The following PHF2 variants were observed in gnomAD, a reference collection of about 807,000 sequenced individuals.
PHF2 encodes PHD finger protein 2, also known as lysine-specific demethylase PHF2.
Under a neutral mutation model 120.5 loss-of-function variants are expected in PHF2, and 27 were observed. That is an observed-to-expected ratio of 0.22 (90% CI 0.17 to 0.31). The LOEUF (loss-of-function observed/expected upper bound fraction) is 0.31. Ranked by LOEUF, PHF2 falls within the 10% of genes least tolerant of loss-of-function variation. The pLI is 1.00. For missense variants in PHF2, 1,024 were observed against 1,434.8 expected (o/e 0.71, Z 4.63); for synonymous variants, 568 against 592.5 (o/e 0.96, Z 0.60).
At chr9:93,626,958 GC>G (rs372614600) in intron 1 of PHF2, among the ~76,000 whole-genome samples, 29 of 152,326 alleles carry the variant, frequency 1.9e-4, no homozygotes, top group African/African-American at 6.5e-4. Context: ...TTATGCCAGT[GC>G]CACACTGTTT....
intron 1 of PHF2, among the ~76,000 whole-genome samples, chr9:93,578,041 C>T (rs1463292461): frequency 6.6e-6 from 1 of 152,200 alleles, no homozygotes; most frequent in Non-Finnish European, 1.5e-5. Context: ...AGAGGAGATC[C>T]TCCTGCAGGT....
At chr9:93,666,205 T>G (rs1826678141) in intron 16 of PHF2, 145 bp downstream of exon 16, 1 of 683,646 alleles carries the variant, frequency 1.5e-6, no homozygotes. Context: ...CCCCACCCTT[T>G]CATGAGTGTT....
intron 1 of PHF2, among the ~76,000 whole-genome samples, chr9:93,609,019 T>C (rs1825590442): frequency 6.7e-6 from 1 of 150,050 alleles, no homozygotes. Context: ...CTGGCTTTAA[T>C]TGAGCATTCG....
At chr9:93,618,086 A>G (rs1302380459) in intron 1 of PHF2, among the ~76,000 whole-genome samples, 1 of 152,228 alleles carries the variant, frequency 6.6e-6, no homozygotes, top group East Asian at 1.9e-4. Flanking sequence ...AATTTCTATT[A>G]TCTTTCTAGT....
chr9:93,645,897 G>T, intron 4 of PHF2, 108 bp downstream of exon 4: 1 of 1,255,134 alleles, frequency 8.0e-7, no homozygotes, highest in Non-Finnish European at 1.1e-6. Context: ...CATGTGTGCC[G>T]TGAGCAGTGG....
chr9:93,610,500 G>A (rs1825616380), intron 1 of PHF2, among the ~76,000 whole-genome samples: 1 of 152,070 alleles, frequency 6.6e-6, no homozygotes, highest in Admixed American at 6.6e-5. Flanking sequence ...TATCCTTGCA[G>A]GCTTTATTAC....
At chr9:93,668,827 G>T (rs564049422) in intron 17 of PHF2, among the ~76,000 whole-genome samples, 1 of 152,238 alleles carries the variant, frequency 6.6e-6, no homozygotes, top group African/African-American at 2.4e-5. Context: ...CACTGAGGCC[G>T]CCGGCCCCCC....
chr9:93,607,609 A>C (rs886103344), intron 1 of PHF2, among the ~76,000 whole-genome samples: 2 of 151,932 alleles, frequency 1.3e-5, no homozygotes, highest in Admixed American at 1.3e-4. Flanking sequence ...ATTGTGCTAA[A>C]TGTGTAGATC....
rs1564405832 is a variant in PHF2, at chr9:93,676,711, GCCT to G, written c.2952_2954del (p.Ser985del). On this transcript the variant is annotated inframe_deletion, in exon 21 of 22. Coordinates refer to ENST00000359246, the MANE Select transcript of PHF2 (RefSeq NM_005392.4). ...CACCACCTCCACCTCCACCACGCCA[GCCT>G]CTACCACCCCGGCCTCCACCACCCC... is the stretch of plus-strand genomic sequence containing the variant. 6.4e-7 allele frequency: 1 copy of G among 1,563,616 alleles called. No homozygotes were observed. Among genetic ancestry groups the G allele is most frequent in the South Asian group, 1.2e-5 (1 of 85,328 alleles).
At chr9:93,601,876 G>A (rs1399197840) in intron 1 of PHF2, among the ~76,000 whole-genome samples, 4 of 151,404 alleles carry the variant, frequency 2.6e-5, no homozygotes, top group African/African-American at 9.7e-5. Flanking sequence ...ATGGAAGGGA[G>A]CCCTGTGAGT....
intron 1 of PHF2, among the ~76,000 whole-genome samples, chr9:93,617,058 G>C (rs571935058): frequency 3.3e-5 from 5 of 152,222 alleles, no homozygotes; most frequent in Admixed American, 1.3e-4. Flanking sequence ...ATCCGGTTGT[G>C]CTGTTCGGGA....
intron 1 of PHF2, among the ~76,000 whole-genome samples, chr9:93,587,174 G>A (rs1458565724): frequency 6.6e-6 from 1 of 152,202 alleles, no homozygotes; most frequent in African/African-American, 2.4e-5. Context: ...AGCCTTGGGT[G>A]AGGGATGGAG....
In PHF2 at chr9:93,677,799, A is replaced by G. The variant is rs997278684; in HGVS notation, c.*123A>G. ...AGGGCCTTGCCTCTTCCCGGCTGCCATCTCCCCAACAAGCGTCTGTCCCTT... is the reference window on the plus strand; with the variant it reads ...AGGGCCTTGCCTCTTCCCGGCTGCCGTCTCCCCAACAAGCGTCTGTCCCTT... On this transcript the variant is annotated 3_prime_UTR_variant, in exon 22 of 22. Coordinates refer to ENST00000359246, the MANE Select transcript of PHF2 (RefSeq NM_005392.4). The surrounding 1 kb of genome is among the most constrained non-coding windows in gnomAD (Gnocchi z 4.4). 7.3e-6 allele frequency: 5 copies of G among 689,280 alleles called. No homozygotes were observed. The highest frequency in any genetic ancestry group is 5.7e-4 in the Middle Eastern group (2 of 3,538). 42.7% of individuals were successfully genotyped at this position (689,280 alleles called of 1,614,324 possible).
intron 1 of PHF2, among the ~76,000 whole-genome samples, chr9:93,602,176 A>C (rs966069202): frequency 6.6e-6 from 1 of 151,112 alleles, no homozygotes; most frequent in African/African-American, 2.4e-5. Context: ...AAAGTATGTA[A>C]ATTCTTCGTT....
At chr9:93,663,906 TC>T (rs1208425783) in intron 14 of PHF2, among the ~76,000 whole-genome samples, 4 of 152,190 alleles carry the variant, frequency 2.6e-5, no homozygotes, top group Non-Finnish European at 5.9e-5. Flanking sequence ...GCAGCCCTGT[TC>T]CTGGCACGTC....
Position 93,677,696 on chromosome 9 carries a change from C to T in PHF2, c.*20C>T. ...CTTTAAGATTTGGAAAGCCAGGATC[C>T]TTCTGCTCCGCTCAGGACCCCCGGA... On this transcript the variant is annotated 3_prime_UTR_variant, in exon 22 of 22. Coordinates refer to ENST00000359246, the MANE Select transcript of PHF2 (RefSeq NM_005392.4). This position sits in a 1 kb window ranked among gnomAD's most constrained non-coding sequence, Gnocchi z 4.4. 1.3e-6 allele frequency: 2 copies of T among 1,595,642 alleles called. No individual in the cohort carries two copies. The highest frequency in any genetic ancestry group is 2.2e-5 in the East Asian group (1 of 44,768).
chr9:93,649,675 G>A (rs554935191), intron 5 of PHF2, among the ~76,000 whole-genome samples: 11 of 123,976 alleles, frequency 8.9e-5, no homozygotes, highest in East Asian at 2.5e-4. Context: ...ACACCCACTC[G>A]TGGACACACT....
chr9:93,654,670 G>A, intron 7 of PHF2, 95 bp downstream of exon 7: 2 of 1,220,182 alleles, frequency 1.6e-6, no homozygotes, highest in Non-Finnish European at 2.4e-6. Flanking sequence ...CCACCATGGG[G>A]TCTCTTCGGC....
chr9:93,663,640 G>C lies in PHF2; in HGVS notation c.1937+5G>C, dbSNP rs574309476. On this transcript the variant is annotated splice_donor_5th_base_variant and intron_variant, in intron 14 of 21. Transcript: ENST00000359246. ...CTCCAACAAGAAACTCCTCGGGTAT[G>C]TGAGTGCCTGGATGGGAGGGGTGAC... 1.3e-6 allele frequency: 2 copies of C among 1,574,478 alleles called. No individual in the cohort carries two copies. Among genetic ancestry groups the C allele is most frequent in the Admixed American group, 3.4e-5 (2 of 58,956 alleles).
Sources: gnomAD v4.1 joint callset for allele counts (sites outside exome capture counted in the v4.1 genomes callset) on GRCh38, gnomAD v4.1.1 for gene constraint, Gnocchi (gnomAD v3.1) non-coding constraint, MANE v1.5 for transcripts, NCBI Gene and HGNC (gene_info 2026-07-23, HGNC 2026-07-21) for gene names.